ATP13A5: variants seen among roughly 807,000 people sequenced by gnomAD.
The protein encoded by ATP13A5 is probable cation-transporting ATPase 13A5.
Under a neutral mutation model 150.2 loss-of-function variants are expected in ATP13A5, and 149 were observed. That is an observed-to-expected ratio of 0.99 (90% CI 0.87 to 1.14). The LOEUF (loss-of-function observed/expected upper bound fraction) is 1.14, where lower values mean the gene tolerates loss of function less well. Among genes scored for constraint, ATP13A5 ranks in the 50% most tolerant of loss-of-function variants. The pLI, the probability that ATP13A5 is intolerant of heterozygous loss-of-function variation, is 0.00. For synonymous variants in ATP13A5, 497 were observed against 522.2 expected (o/e 0.95, Z 0.66); for missense variants, 1,383 against 1,449.3 (o/e 0.95, Z 0.74).
intron 1 of ATP13A5, among the ~76,000 whole-genome samples, chr3:193,372,748 T>C (rs1713497375): frequency 1.3e-5 from 2 of 152,336 alleles, no homozygotes; most frequent in South Asian, 4.1e-4. Context: ...ACTGATACCC[T>C]CACCTTGTTT....
rs146083744 is a variant in ATP13A5 at position 193,372,986 on chromosome 3, G to C, written c.63+5677C>G. 3.3e-4 allele frequency among the ~76,000 whole-genome samples: 50 copies of C among 152,202 alleles called. 1 individual carries two copies. In the East Asian group the frequency reaches 8.7e-3, roughly 26 times the overall value. ...ACTGAAAACAGGAGAGAGCCAACAGGGCTGACTTTCAGTTTCAATTTTTAC... is the reference window on the plus strand; with the variant it reads ...ACTGAAAACAGGAGAGAGCCAACAGCGCTGACTTTCAGTTTCAATTTTTAC... On this transcript the variant is annotated intron_variant, in intron 1 of 29. Transcript: ENST00000342358.
At chr3:193,333,288 C>T (rs1449458523) in intron 11 of ATP13A5, among the ~76,000 whole-genome samples, 4 of 152,090 alleles carry the variant, frequency 2.6e-5, no homozygotes, top group African/African-American at 9.7e-5. Context: ...TCTTCCTCCC[C>T]ACCAGCTCAC....
chr3:193,294,111 C>T (rs1318070978), intron 25 of ATP13A5, among the ~76,000 whole-genome samples: 3 of 152,060 alleles, frequency 2.0e-5, no homozygotes, highest in African/African-American at 7.2e-5. Flanking sequence ...GCTGCAAAGC[C>T]CCAGTCCTAG....
chr3:193,310,140 T>C (rs1718786502), intron 21 of ATP13A5, among the ~76,000 whole-genome samples: 1 of 152,222 alleles, frequency 6.6e-6, no homozygotes, highest in African/African-American at 2.4e-5. Flanking sequence ...TGTTCCTGCA[T>C]TAGTTTGCTA....
intron 28 of ATP13A5, among the ~76,000 whole-genome samples, chr3:193,277,223 ACC>A (rs1357570134): frequency 9.2e-5 from 14 of 152,226 alleles, no homozygotes; most frequent in Non-Finnish European, 1.8e-4. Context: ...AGCAAATTCT[ACC>A]TGGAATTCAT....
chr3:193,288,344 A>G (rs1427098741), intron 26 of ATP13A5, among the ~76,000 whole-genome samples: 1 of 152,158 alleles, frequency 6.6e-6, no homozygotes. Flanking sequence ...AGAGTCAATC[A>G]GTGAGGCAAA....
intron 23 of ATP13A5, among the ~76,000 whole-genome samples, chr3:193,304,317 G>C (rs1718526470): frequency 6.6e-6 from 1 of 151,854 alleles, no homozygotes; most frequent in Non-Finnish European, 1.5e-5. Context: ...GATCGTGTTT[G>C]AGGGTGTGAA....
intron 12 of ATP13A5, among the ~76,000 whole-genome samples, chr3:193,327,847 G>A (rs2108869210): frequency 6.6e-6 from 1 of 152,242 alleles, no homozygotes; most frequent in South Asian, 2.1e-4. Flanking sequence ...TAAGTGAGTT[G>A]GCTACAGCTA....
In ATP13A5 at chr3:193,305,672, G is replaced by C; in HGVS notation, c.2569-4C>G. The C allele has an allele frequency of 6.2e-7, 1 of 1,613,218 alleles. No homozygotes were observed. Among genetic ancestry groups the C allele is most frequent in the East Asian group, 2.2e-5 (1 of 44,848 alleles). ...CTGCATGAGCCGCTTTCAAAGCCTGGAATGATAAGCCCATGTCTCACCCAT... is the reference window on the plus strand; with the variant it reads ...CTGCATGAGCCGCTTTCAAAGCCTGCAATGATAAGCCCATGTCTCACCCAT... On this transcript the variant is annotated splice_polypyrimidine_tract_variant and splice_region_variant and intron_variant, in intron 22 of 29. Transcript: ENST00000342358.
At chr3:193,301,407 A>T in intron 23 of ATP13A5, 100 bp from the exon 24 acceptor site, 1 of 778,698 alleles carries the variant, frequency 1.3e-6, no homozygotes, top group Non-Finnish European at 2.1e-6. Context: ...TAGCCTGTTG[A>T]CATACATTCA....
chr3:193,350,969 G>A, intron 7 of ATP13A5, 98 bp downstream of exon 7: 1 of 1,401,902 alleles, frequency 7.1e-7, no homozygotes, highest in Non-Finnish European at 9.7e-7. Flanking sequence ...TATGACTTAT[G>A]GTTGACAAAG....
At chr3:193,321,620 G>T (rs1459621867) in intron 16 of ATP13A5, 61 bp downstream of exon 16, 2 of 1,566,706 alleles carry the variant, frequency 1.3e-6, no homozygotes, top group Admixed American at 3.4e-5. Context: ...GACAGAGCAA[G>T]ATTCTGTCTC....
At chr3:193,287,470 A>T (rs1471198498) in intron 26 of ATP13A5, among the ~76,000 whole-genome samples, 1 of 152,148 alleles carries the variant, frequency 6.6e-6, no homozygotes, top group African/African-American at 2.4e-5. Flanking sequence ...GCCTTTAAGG[A>T]TTATGCTAAC....
intron 7 of ATP13A5, among the ~76,000 whole-genome samples, chr3:193,348,582 G>T (rs1288253559): frequency 6.6e-6 from 1 of 152,184 alleles, no homozygotes; most frequent in African/African-American, 2.4e-5. Flanking sequence ...CTTGGCTTAG[G>T]AAAGGTAAGC....
At chr3:193,363,870 G>A (rs1713135034) in intron 2 of ATP13A5, among the ~76,000 whole-genome samples, 1 of 152,092 alleles carries the variant, frequency 6.6e-6, no homozygotes, top group South Asian at 2.1e-4. Flanking sequence ...TGATGGGGTC[G>A]AAATTTCCCC....
At chr3:193,353,777 C>T (rs56085491) in intron 6 of ATP13A5, among the ~76,000 whole-genome samples, 41,133 of 151,996 alleles carry the variant, frequency 0.27, 5,851 homozygotes, top group Non-Finnish European at 0.31. Flanking sequence ...GACTTCCCAG[C>T]CTCTAAAACT....
At chr3:193,310,541 CT>C (rs1718801077) in intron 21 of ATP13A5, 96 bp downstream of exon 21, 1 of 953,796 alleles carries the variant, frequency 1.0e-6, no homozygotes, top group Non-Finnish European at 1.6e-6. Flanking sequence ...TTATTTTTGA[CT>C]TTTTAATAAT....
chr3:193,289,775 C>T (rs1362482915), intron 26 of ATP13A5, 110 bp downstream of exon 26: 1 of 1,078,552 alleles, frequency 9.3e-7, no homozygotes, highest in African/African-American at 1.6e-5. Flanking sequence ...TGCAGCGACA[C>T]AATTTGATTA....
At chr3:193,343,779 T>G (rs1712216635) in intron 9 of ATP13A5, 148 bp downstream of exon 9, 1 of 752,974 alleles carries the variant, frequency 1.3e-6, no homozygotes, top group South Asian at 2.8e-5. Context: ...TTGTGTATAT[T>G]GTGTCTCCAT....
Sources: gnomAD v4.1 joint callset for allele counts (sites outside exome capture counted in the v4.1 genomes callset) on GRCh38, gnomAD v4.1.1 for gene constraint, MANE v1.5 for transcripts, NCBI Gene and HGNC (gene_info 2026-07-23, HGNC 2026-07-21) for gene names.